The following DSCAML1 variants were observed in gnomAD, a reference collection of about 807,000 sequenced individuals.
DSCAML1 encodes cell adhesion molecule DSCAML1.
DSCAML1 carries 38 observed loss-of-function variants against 200.5 expected under a neutral mutation model. That is an observed-to-expected ratio of 0.19 (90% CI 0.15 to 0.25). The LOEUF (loss-of-function observed/expected upper bound fraction) is 0.25, where lower values mean the gene tolerates loss of function less well. Ranked by LOEUF, DSCAML1 falls within the 10% of genes least tolerant of loss-of-function variation. The probability of loss-of-function intolerance (pLI) is 1.00; values close to 1 mark genes in which losing one functional copy is unlikely to be tolerated. For missense variants in DSCAML1, 2,223 were observed against 2,858.8 expected, an observed-to-expected ratio of 0.78 and a Z score of 5.07; for synonymous variants, 1,215 against 1,165.0, an observed-to-expected ratio of 1.04 and a Z score of -0.87.
chr11:117,760,412 A>G (rs1284057361), intron 3 of DSCAML1, among the ~76,000 whole-genome samples: 1 of 152,214 alleles, frequency 6.6e-6, no homozygotes, highest in African/African-American at 2.4e-5. Flanking sequence ...CTACATATGT[A>G]TGCATCCAGA....
intron 3 of DSCAML1, among the ~76,000 whole-genome samples, chr11:117,717,551 G>A (rs752076117): frequency 1.5e-4 from 23 of 152,218 alleles, no homozygotes; most frequent in Non-Finnish European, 2.1e-4. Flanking sequence ...AGACCCTGAC[G>A]ATCAACCAGC....
chr11:117,688,622 C>A (rs2053446368), intron 3 of DSCAML1, among the ~76,000 whole-genome samples: 1 of 152,180 alleles, frequency 6.6e-6, no homozygotes, highest in African/African-American at 2.4e-5. Flanking sequence ...GCTGTGTGAC[C>A]TTGGGCAGGT....
At chr11:117,776,107 G>T (rs1490502435) in intron 3 of DSCAML1, among the ~76,000 whole-genome samples, 2 of 152,120 alleles carry the variant, frequency 1.3e-5, no homozygotes, top group Non-Finnish European at 2.9e-5. Flanking sequence ...GTCCTCTCTT[G>T]GGGCTTCTAT....
At chr11:117,524,663 A>T (rs778344270) in intron 5 of DSCAML1, 142 bp downstream of exon 5, 39 of 1,057,600 alleles carry the variant, frequency 3.7e-5, no homozygotes, top group Non-Finnish European at 5.2e-5. Flanking sequence ...TTTCCAGGAT[A>T]CCAGACTGCC....
At chr11:117,721,677 A>C (rs900489786) in intron 3 of DSCAML1, among the ~76,000 whole-genome samples, 7 of 147,356 alleles carry the variant, frequency 4.8e-5, no homozygotes, top group Non-Finnish European at 8.9e-5. Flanking sequence ...ATATAAATAT[A>C]TAAGCATATA....
intron 3 of DSCAML1, among the ~76,000 whole-genome samples, chr11:117,725,292 CTG>C (rs146888896): frequency 0.054 from 8,246 of 152,214 alleles, 497 homozygotes; most frequent in African/African-American, 0.16. Flanking sequence ...GTACAGGCCT[CTG>C]TGCCTTGGGA....
chr11:117,466,298 G>A (rs774918540), intron 16 of DSCAML1, among the ~76,000 whole-genome samples: 5 of 152,234 alleles, frequency 3.3e-5, no homozygotes, highest in Non-Finnish European at 7.3e-5. Flanking sequence ...CCGTCACAGC[G>A]CGGATGAACC....
At chr11:117,690,420 C>A (rs963673449) in intron 3 of DSCAML1, among the ~76,000 whole-genome samples, 1 of 152,242 alleles carries the variant, frequency 6.6e-6, no homozygotes, top group Non-Finnish European at 1.5e-5. Context: ...GATGGAGGCA[C>A]CCACGGGTCT....
chr11:117,433,386 T>C (rs2047843582), intron 28 of DSCAML1, 55 bp downstream of exon 28: 1 of 1,602,330 alleles, frequency 6.2e-7, no homozygotes, highest in African/African-American at 1.3e-5. Context: ...TCCTGGGTCC[T>C]CCTCAGGACA....
intron 3 of DSCAML1, among the ~76,000 whole-genome samples, chr11:117,746,946 A>G (rs1036612777): frequency 8.5e-5 from 13 of 152,160 alleles, no homozygotes; most frequent in Non-Finnish European, 1.6e-4. Context: ...ACTGGGTTAG[A>G]AAGTATGGGT....
intron 7 of DSCAML1, among the ~76,000 whole-genome samples, chr11:117,517,496 T>G (rs1262671935): frequency 6.6e-6 from 1 of 152,126 alleles, no homozygotes; most frequent in Non-Finnish European, 1.5e-5. Flanking sequence ...AGGGCCCGAC[T>G]GGGAAATCTT....
chr11:117,445,563 C>T (rs1424647055), intron 20 of DSCAML1, among the ~76,000 whole-genome samples: 1 of 152,258 alleles, frequency 6.6e-6, no homozygotes, highest in African/African-American at 2.4e-5. Context: ...CAATACAGCT[C>T]TGCCCAACCT....
chr11:117,492,826 G>A lies in DSCAML1; in HGVS notation c.2360-10664C>T, dbSNP rs140363857. ...GCGGAGTGGGGAGGGGGTGCCTTCT[G>A]GTGCCTGTTTTGTTTTTCCCTTCTT... On this transcript the variant is annotated intron_variant, in intron 11 of 32. Coordinates refer to ENST00000651296, the MANE Select transcript of DSCAML1 (RefSeq NM_020693.4). 8.7e-3 allele frequency among the ~76,000 whole-genome samples: 1,323 copies of A among 152,306 alleles called. 70 individuals carry two copies. The highest frequency in any genetic ancestry group is 0.079 in the Admixed American group (1,207 of 15,288).
intron 3 of DSCAML1, among the ~76,000 whole-genome samples, chr11:117,652,450 C>T (rs765858909): frequency 2.0e-5 from 3 of 152,178 alleles, no homozygotes; most frequent in South Asian, 2.1e-4. Context: ...AGTCACTTAC[C>T]GTTCCCAGTC....
At chr11:117,759,858 G>T (rs1311027279) in intron 3 of DSCAML1, among the ~76,000 whole-genome samples, 3 of 152,176 alleles carry the variant, frequency 2.0e-5, no homozygotes, top group African/African-American at 7.2e-5. Flanking sequence ...TCCCGAGGCA[G>T]ACACATTTCT....
intron 11 of DSCAML1, among the ~76,000 whole-genome samples, chr11:117,502,841 G>C (rs964842393): frequency 1.3e-5 from 2 of 152,134 alleles, no homozygotes; most frequent in African/African-American, 4.8e-5. Flanking sequence ...CCTATTACGA[G>C]CCCAACCCCC....
chr11:117,553,534 T>G lies in DSCAML1; in HGVS notation c.512-21012A>C, dbSNP rs73591016. ...GATGGCTAATAAGTACAGGAAAAGATGCTCAACACTAGGGAAATGAAAAAT... is the reference window on the plus strand; with the variant it reads ...GATGGCTAATAAGTACAGGAAAAGAGGCTCAACACTAGGGAAATGAAAAAT... On this transcript the variant is annotated intron_variant, in intron 3 of 32. Transcript: ENST00000651296. Among the ~76,000 whole-genome samples the G allele has an allele frequency of 1.2e-3, 184 of 152,320 alleles. 2 individuals carry two copies. Among genetic ancestry groups the G allele is most frequent in the African/African-American group, 4.2e-3 (173 of 41,574 alleles).
chr11:117,437,471 G>T lies in DSCAML1; in HGVS notation c.4433-62C>A. The T allele has an allele frequency of 6.4e-7, 1 of 1,552,558 alleles. No individual in the cohort carries two copies. Among genetic ancestry groups the T allele is most frequent in the Admixed American group, 1.8e-5 (1 of 54,610 alleles). On this transcript the variant is annotated intron_variant, in intron 25 of 32. Coordinates refer to ENST00000651296, the MANE Select transcript of DSCAML1 (RefSeq NM_020693.4). This position sits in a 1 kb window ranked among gnomAD's most constrained non-coding sequence, Gnocchi z 5.3. The stretch of plus-strand genomic sequence containing the variant: ...TTTGGTGGGAGGCAGGACTGGACTG[G>T]GCTGGGCTGGAAAGGATTTCCCTGG...
intron 14 of DSCAML1, among the ~76,000 whole-genome samples, chr11:117,477,256 CCT>C (rs1220095915): frequency 6.7e-6 from 1 of 150,102 alleles, no homozygotes; most frequent in African/African-American, 2.5e-5. Context: ...TTTGAGTCAT[CCT>C]CTGTTCCCTT....
Sources: gnomAD v4.1 joint callset for allele counts (sites outside exome capture counted in the v4.1 genomes callset) on GRCh38, gnomAD v4.1.1 for gene constraint, Gnocchi (gnomAD v3.1) non-coding constraint, MANE v1.5 for transcripts, NCBI Gene and HGNC (gene_info 2026-07-23, HGNC 2026-07-21) for gene names.